Variants in CYFIP1 observed in about 807,000 individuals in gnomAD.
The protein encoded by CYFIP1 is cytoplasmic FMR1-interacting protein 1.
CYFIP1 carries 58 observed loss-of-function variants against 163.5 expected under a neutral mutation model. The ratio of observed to expected loss-of-function variants is 0.35; its 90% CI spans 0.29 to 0.44. The LOEUF is 0.44. CYFIP1 is among the 20% of genes least tolerant of loss of function. The probability of loss-of-function intolerance (pLI) is 1.00; values close to 1 mark genes in which losing one functional copy is unlikely to be tolerated. For synonymous variants in CYFIP1, 663 were observed against 660.7 expected, an observed-to-expected ratio of 1.00 and a Z score of -0.05; for missense variants, 1,338 against 1,653.8, an observed-to-expected ratio of 0.81 and a Z score of 3.31.
At chr15:22,932,181 C>A (rs933668059) in intron 11 of CYFIP1, 42 bp downstream of exon 11, 2 of 1,465,812 alleles carry the variant, frequency 1.4e-6, no homozygotes, top group African/African-American at 1.4e-5. Flanking sequence ...CACACACAGG[C>A]GACCCTCGGG....
chr15:22,924,866 G>GT (rs1262385859), intron 13 of CYFIP1, among the ~76,000 whole-genome samples: 3 of 152,086 alleles, frequency 2.0e-5, no homozygotes, highest in African/African-American at 7.2e-5. Flanking sequence ...GAGCTCAGGA[G>GT]TTTGAGACGA....
intron 9 of CYFIP1, among the ~76,000 whole-genome samples, chr15:22,934,543 G>A (rs527857561): frequency 1.3e-3 from 129 of 97,128 alleles, no homozygotes; most frequent in African/African-American, 4.7e-3. Context: ...ACTAGGCTGC[G>A]CTGCAGTGCA....
intron 1 of CYFIP1, among the ~76,000 whole-genome samples, chr15:22,964,392 C>CACAG (rs2062826776): frequency 2.8e-5 from 4 of 143,708 alleles, no homozygotes; most frequent in Admixed American, 1.4e-4. Context: ...CACACACACA[C>CACAG]ACACACACAC....
chr15:22,969,619 A>G (rs1034979252), intron 1 of CYFIP1, among the ~76,000 whole-genome samples: 1 of 152,224 alleles, frequency 6.6e-6, no homozygotes, highest in Non-Finnish European at 1.5e-5. Flanking sequence ...AGACATAAAG[A>G]GAACAAATAA....
intron 3 of CYFIP1, among the ~76,000 whole-genome samples, chr15:22,946,062 G>A (rs1019276612): frequency 6.6e-6 from 1 of 152,058 alleles, no homozygotes; most frequent in African/African-American, 2.4e-5. Flanking sequence ...CCAGTACTTT[G>A]GGAGGCTGGG....
chr15:22,964,348 ATCAC>A (rs201856418), intron 1 of CYFIP1, among the ~76,000 whole-genome samples: 821 of 48,106 alleles, frequency 0.017, 14 homozygotes, highest in Middle Eastern at 0.028. Flanking sequence ...CCGCAACCTC[ATCAC>A]TCACACACAC....
At chr15:22,915,390 G>C (rs1433220073) in intron 16 of CYFIP1, among the ~76,000 whole-genome samples, 1 of 152,090 alleles carries the variant, frequency 6.6e-6, no homozygotes, top group African/African-American at 2.4e-5. Flanking sequence ...TTCCCAAAGT[G>C]TTAGGATTAA....
At chr15:22,972,229 A>G (rs62009544) in intron 1 of CYFIP1, among the ~76,000 whole-genome samples, 13,182 of 152,210 alleles carry the variant, frequency 0.087, 674 homozygotes, top group East Asian at 0.17. Context: ...TGAGGGCAGG[A>G]GTTCGAGACC....
chr15:22,872,611 T>C, intron 30 of CYFIP1: 2 of 534,998 alleles, frequency 3.7e-6, no homozygotes, highest in South Asian at 4.3e-5. Flanking sequence ...CTAAGTACCT[T>C]GAGAAGGAAA....
chr15:22,953,522 C>G (rs575659436), intron 1 of CYFIP1, among the ~76,000 whole-genome samples: 25 of 152,134 alleles, frequency 1.6e-4, no homozygotes, highest in Non-Finnish European at 1.8e-4. Flanking sequence ...GCATCCAGCA[C>G]AGCCTCTAGT....
At chr15:22,960,721 G>A (rs1025295332) in intron 1 of CYFIP1, among the ~76,000 whole-genome samples, 2 of 152,318 alleles carry the variant, frequency 1.3e-5, no homozygotes, top group Non-Finnish European at 2.9e-5. Flanking sequence ...AGGGCGGCCC[G>A]CCCTCCTCCT....
chr15:22,948,989 G>T (rs1189590615), intron 1 of CYFIP1, among the ~76,000 whole-genome samples: 1 of 149,720 alleles, frequency 6.7e-6, no homozygotes. Context: ...AAACCAAGCA[G>T]TGATGAAAAA....
chr15:22,916,719 T>A, intron 15 of CYFIP1, 89 bp from the exon 16 acceptor site: 1 of 1,614,028 alleles, frequency 6.2e-7, no homozygotes, highest in Non-Finnish European at 8.5e-7. Context: ...AGAGAAGGAC[T>A]GCTCCGCTAC....
In CYFIP1 at chr15:22,910,439, C is replaced by T. The variant is rs142270292; in HGVS notation, c.2268+81G>A. 199 of 1,163,398 alleles carry T rather than the reference C, an allele frequency of 1.7e-4. 2 individuals are homozygous for T. In the East Asian group the frequency reaches 3.9e-3, roughly 23 times the overall value. 72.1% of individuals were successfully genotyped at this position (1,163,398 alleles called of 1,614,324 possible). On this transcript the variant is annotated intron_variant, in intron 20 of 30. Transcript: ENST00000617928. ...GGCCTCCCAGTGTTGGGATTACAGG[C>T]GTGAGCCACCGCACCCAGCCGAAAA...
chr15:22,958,014 T>C (rs1159762779), intron 1 of CYFIP1, among the ~76,000 whole-genome samples: 1 of 152,136 alleles, frequency 6.6e-6, no homozygotes, highest in Non-Finnish European at 1.5e-5. Context: ...AGAAACAGGC[T>C]GTCATGACCA....
intron 21 of CYFIP1, chr15:22,905,462 T>G (rs927281236): frequency 2.0e-5 from 3 of 151,824 alleles, no homozygotes; most frequent in African/African-American, 7.3e-5. Flanking sequence ...TTAATTTCTT[T>G]TTGATTTTAA....
Position 22,952,592 on chromosome 15 carries a change from T to G in CYFIP1, c.-6-5301A>C, listed in dbSNP as rs1332297151. On this transcript the variant is annotated intron_variant, in intron 1 of 30. Transcript: ENST00000617928. ...ATCACTTGAACCCAGGAGGCGGAGG[T>G]TGCAGTGAGCTGAGATCGCACCACT... is the stretch of plus-strand genomic sequence containing the variant. Among the ~76,000 whole-genome samples the G allele has an allele frequency of 3.0e-5, 4 of 131,444 alleles. No homozygotes were observed. In the Admixed American group the frequency reaches 3.8e-4, roughly 13 times the overall value. 86.2% of individuals were successfully genotyped at this position (131,444 alleles called of 152,430 possible).
In CYFIP1 at chr15:22,917,182, G is replaced by A. The variant is rs2061014964; in HGVS notation, c.1675-552C>T. 7.0e-7 allele frequency: 1 copy of A among 1,426,920 alleles called. No individual in the cohort carries two copies. Among genetic ancestry groups the A allele is most frequent in the African/African-American group, 1.4e-5 (1 of 69,594 alleles). 88.4% of individuals were successfully genotyped at this position (1,426,920 alleles called of 1,614,324 possible). ...CGAGGGCCGTCCCCCTGACCCTCCTGCAGAGCCAGCAGCGTGCATTGCTGG... is the reference window on the plus strand; with the variant it reads ...CGAGGGCCGTCCCCCTGACCCTCCTACAGAGCCAGCAGCGTGCATTGCTGG... On this transcript the variant is annotated intron_variant, in intron 15 of 30. Coordinates refer to ENST00000617928, the MANE Select transcript of CYFIP1 (RefSeq NM_014608.6). This position sits in a 1 kb window ranked among gnomAD's most constrained non-coding sequence, Gnocchi z 4.2.
chr15:22,932,328 T>C lies in CYFIP1; in HGVS notation c.1005A>G (p.Thr335=), dbSNP rs911127043. ...YEENKSRWTC[T]SSGSSPQYNI... ...TGTACTGAGGGCTGCTGCCGGAGGA[T>C]GTGCACGTCCATCTGTGCAGAGAGA... Residue 335 remains threonine, a synonymous_variant, in exon 11 of 31, where the codon ACA becomes ACG. Coordinates refer to ENST00000617928, the MANE Select transcript of CYFIP1 (RefSeq NM_014608.6). 6.2e-7 allele frequency: 1 copy of C among 1,606,618 alleles called. No individual in the cohort carries two copies. The highest frequency in any genetic ancestry group is 8.5e-7 in the Non-Finnish European group (1 of 1,176,786).
Sources: gnomAD v4.1 joint callset for allele counts (sites outside exome capture counted in the v4.1 genomes callset) on GRCh38, gnomAD v4.1.1 for gene constraint, Gnocchi (gnomAD v3.1) non-coding constraint, MANE v1.5 for transcripts, NCBI Gene and HGNC (gene_info 2026-07-23, HGNC 2026-07-21) for gene names.